Variants in DSTN observed in about 807,000 individuals in gnomAD.
The protein encoded by DSTN is destrin.
Under a neutral mutation model 16.8 loss-of-function variants are expected in DSTN, and 10 were observed. That is an observed-to-expected ratio of 0.60 (90% CI 0.37 to 1.01). The LOEUF (loss-of-function observed/expected upper bound fraction) is 1.01. DSTN is among the 50% of genes least tolerant of loss of function. The probability of loss-of-function intolerance (pLI) is 0.01; values close to 1 mark genes in which losing one functional copy is unlikely to be tolerated. For missense variants in DSTN, 141 were observed against 196.7 expected (o/e 0.72, Z 1.69); for synonymous variants, 57 against 58.9 (o/e 0.97, Z 0.14).
intron 1 of DSTN, among the ~76,000 whole-genome samples, chr20:17,576,978 C>G (rs1600699137): frequency 1.3e-5 from 2 of 152,182 alleles, no homozygotes; most frequent in African/African-American, 2.4e-5. Context: ...TTTTTGAACA[C>G]CAACATATGG....
intron 1 of DSTN, among the ~76,000 whole-genome samples, chr20:17,595,845 C>T (rs1171386546): frequency 1.3e-5 from 2 of 152,012 alleles, no homozygotes; most frequent in Non-Finnish European, 2.9e-5. Context: ...TTGGCTCTTC[C>T]TCTTTATTCC....
intron 1 of DSTN, among the ~76,000 whole-genome samples, chr20:17,591,118 C>T (rs761580181): frequency 6.6e-6 from 1 of 152,152 alleles, no homozygotes; most frequent in Admixed American, 6.5e-5. Flanking sequence ...CCTTCCCCCC[C>T]AGAAAAACCA....
intron 1 of DSTN, among the ~76,000 whole-genome samples, chr20:17,584,887 A>C (rs1005178248): frequency 1.3e-5 from 2 of 152,232 alleles, no homozygotes; most frequent in African/African-American, 4.8e-5. Flanking sequence ...CTTGGCATAA[A>C]CATGATTTTA....
chr20:17,594,525 G>C (rs368225107), intron 1 of DSTN, among the ~76,000 whole-genome samples: 2 of 152,242 alleles, frequency 1.3e-5, no homozygotes, highest in East Asian at 1.9e-4. Context: ...TAAAGGGCCA[G>C]GACTGGAAGT....
intron 1 of DSTN, among the ~76,000 whole-genome samples, chr20:17,580,646 G>T (rs953119400): frequency 2.0e-5 from 3 of 152,078 alleles, no homozygotes; most frequent in African/African-American, 7.2e-5. Flanking sequence ...ACTCTGGGAG[G>T]CTGAGGCAGG....
In DSTN at chr20:17,604,566, T is replaced by G; in HGVS notation, c.323T>G (p.Leu108Arg). 6.2e-7 allele frequency: 1 copy of G among 1,611,942 alleles called. No homozygotes were observed. Among genetic ancestry groups the G allele is most frequent in the Non-Finnish European group, 8.5e-7 (1 of 1,179,550 alleles). ...ELMFFLWAPE[L>R]APLKSKMIYA... Reference sequence around the variant, plus strand: ...ATCTTTCTATCTAGGGCACCAGAACTAGCACCTCTGAAAAGTAAAATGATC... The same window carrying G: ...ATCTTTCTATCTAGGGCACCAGAACGAGCACCTCTGAAAAGTAAAATGATC... The change falls in exon 3 of 4, where the codon CTA becomes CGA. Residue 108 changes from leucine (L) to arginine (R), a missense_variant. Transcript: ENST00000246069.
At chr20:17,572,189 A>G (rs1006277380) in intron 1 of DSTN, among the ~76,000 whole-genome samples, 10 of 152,166 alleles carry the variant, frequency 6.6e-5, no homozygotes, top group Admixed American at 6.6e-5. Context: ...TGTACTCACC[A>G]AGTCTTTTAG....
At chr20:17,578,801 A>C (rs1431661148) in intron 1 of DSTN, among the ~76,000 whole-genome samples, 1 of 152,090 alleles carries the variant, frequency 6.6e-6, no homozygotes, top group Non-Finnish European at 1.5e-5. Context: ...TCCTCTGCTA[A>C]AAATACAAAA....
In DSTN at chr20:17,605,197, C is replaced by T. The variant is rs568569932; in HGVS notation, c.388+566C>T. 142 of 456,234 alleles carry T rather than the reference C, an allele frequency of 3.1e-4. 3 individuals are homozygous for T. Among genetic ancestry groups the T allele is most frequent in the South Asian group, 2.1e-3 (138 of 64,540 alleles). The allele number at this position is 456,234 out of a possible 1,614,324, so 28.3% of individuals were successfully genotyped here. A position where few individuals can be genotyped will look rare whatever the true frequency, so the allele number is the denominator to read the frequency against. On this transcript the variant is annotated intron_variant, in intron 3 of 3. Transcript: ENST00000246069. ...CTGATGAGATGGCCTGGCCAGACTT[C>T]AGCCAGGAGAAAATGTTGGTATGAT...
intron 1 of DSTN, among the ~76,000 whole-genome samples, chr20:17,592,781 C>T (rs1394732542): frequency 1.3e-5 from 2 of 152,126 alleles, no homozygotes; most frequent in Admixed American, 6.5e-5. Flanking sequence ...TCCTTTCCAC[C>T]TCCCCTCTCC....
intron 1 of DSTN, among the ~76,000 whole-genome samples, chr20:17,574,392 C>T (rs1442651460): frequency 2.6e-5 from 4 of 152,134 alleles, no homozygotes; most frequent in Non-Finnish European, 4.4e-5. Context: ...TGACTTAGGA[C>T]AGAGTTCTTT....
chr20:17,590,782 G>A (rs1219299140), intron 1 of DSTN, among the ~76,000 whole-genome samples: 1 of 152,150 alleles, frequency 6.6e-6, no homozygotes, highest in Non-Finnish European at 1.5e-5. Flanking sequence ...CTTGACAAAT[G>A]AGCAATTAAA....
intron 3 of DSTN, 27 bp downstream of exon 3, chr20:17,604,658 G>A (rs370578921): frequency 4.4e-6 from 7 of 1,591,706 alleles, no homozygotes; most frequent in Non-Finnish European, 5.1e-6. Flanking sequence ...CTCTGAATAT[G>A]TAGAGGTATG....
intron 1 of DSTN, among the ~76,000 whole-genome samples, chr20:17,579,044 T>C (rs2035313838): frequency 6.6e-6 from 1 of 151,824 alleles, no homozygotes. Context: ...TCAACCCTTA[T>C]AGCAGTTCAT....
rs1754832034 is a variant in DSTN, at chr20:17,609,895, A to G, written c.*2749A>G. ...ACTCTCTTGCCCTGACAAAGCAGCA[A>G]ATAAAGCCATTGCTAACAATTCAAT... On this transcript the variant is annotated 3_prime_UTR_variant, in exon 4 of 4. Coordinates refer to ENST00000246069, the MANE Select transcript of DSTN (RefSeq NM_006870.4). The G allele has an allele frequency of 1.3e-5, 2 of 152,268 alleles. No individual in the cohort carries two copies. Among genetic ancestry groups the G allele is most frequent in the Non-Finnish European group, 2.9e-5 (2 of 68,052 alleles). 9.4% of individuals were successfully genotyped at this position (152,268 alleles called of 1,614,324 possible). A position where few individuals can be genotyped will look rare whatever the true frequency, so the allele number is the denominator to read the frequency against.
chr20:17,581,938 T>A (rs371763922), intron 1 of DSTN, among the ~76,000 whole-genome samples: 1 of 152,216 alleles, frequency 6.6e-6, no homozygotes, highest in Admixed American at 6.5e-5. Context: ...TGGGACATTT[T>A]CTTTTAAGCC....
At chr20:17,602,989 C>G (rs990500553) in intron 2 of DSTN, among the ~76,000 whole-genome samples, 1 of 152,126 alleles carries the variant, frequency 6.6e-6, no homozygotes, top group African/African-American at 2.4e-5. Context: ...CACTGCACTC[C>G]AGCCTGGGTG....
intron 1 of DSTN, among the ~76,000 whole-genome samples, chr20:17,578,380 A>G (rs2035302723): frequency 6.6e-6 from 1 of 152,198 alleles, no homozygotes; most frequent in South Asian, 2.1e-4. Context: ...TTCTATTCCC[A>G]CATACCTTTT....
At chr20:17,591,544 G>T (rs1401882448) in intron 1 of DSTN, among the ~76,000 whole-genome samples, 1 of 152,164 alleles carries the variant, frequency 6.6e-6, no homozygotes, top group African/African-American at 2.4e-5. Context: ...AGCCCCTATA[G>T]CAATGAGCTA....
Sources: allele counts gnomAD v4.1 joint callset (sites outside exome capture counted in the v4.1 genomes callset), GRCh38; gene constraint gnomAD v4.1.1; transcripts MANE v1.5; gene names NCBI Gene and HGNC (gene_info 2026-07-23, HGNC 2026-07-21).